CNTNAP5: variants seen among roughly 807,000 people sequenced by gnomAD.
The protein encoded by CNTNAP5 is contactin associated protein family member 5.
A neutral mutation model predicts 150.2 loss-of-function variants in CNTNAP5; 72 were observed. The observed-to-expected ratio is 0.48, with a 90% CI of 0.40 to 0.58. The LOEUF is 0.58. Ranked by LOEUF, CNTNAP5 falls within the 20% of genes least tolerant of loss-of-function variation. CNTNAP5 has a pLI of 0.00. For synonymous variants in CNTNAP5, 672 were observed against 619.8 expected (o/e 1.08, Z -1.25); for missense variants, 1,636 against 1,626.2 (o/e 1.01, Z -0.10).
chr2:124,434,360 A>T (rs1692469789), intron 4 of CNTNAP5, 124 bp from the exon 5 acceptor site: 1 of 739,418 alleles, frequency 1.4e-6, no homozygotes, highest in Admixed American at 2.2e-5. Context: ...TTTCCTGTTG[A>T]GACTAGACCT....
intron 3 of CNTNAP5, among the ~76,000 whole-genome samples, chr2:124,334,438 CAAGA>C (rs1456467784): frequency 1.3e-5 from 2 of 151,852 alleles, no homozygotes; most frequent in Non-Finnish European, 2.9e-5. Context: ...ATCATGTCCA[CAAGA>C]AAGAAAGACA....
At chr2:124,322,358 C>G in intron 3 of CNTNAP5, among the ~76,000 whole-genome samples, 1 of 152,096 alleles carries the variant, frequency 6.6e-6, no homozygotes, top group Non-Finnish European at 1.5e-5. Context: ...TCATTCCCAG[C>G]TCTGCCAGAA....
At chr2:124,446,972 C>T in intron 6 of CNTNAP5, 35 bp downstream of exon 6, 1 of 1,588,820 alleles carries the variant, frequency 6.3e-7, no homozygotes, top group South Asian at 1.1e-5. Flanking sequence ...CTCCTCGGCC[C>T]CTTGCTTCAA....
chr2:124,538,551 A>C (rs1695298588), intron 10 of CNTNAP5, among the ~76,000 whole-genome samples: 1 of 151,114 alleles, frequency 6.6e-6, no homozygotes, highest in Non-Finnish European at 1.5e-5. Context: ...AAAGAAAGAG[A>C]GAAAGAAAGA....
At chr2:124,671,532 T>C (rs1221852438) in intron 13 of CNTNAP5, among the ~76,000 whole-genome samples, 2 of 152,206 alleles carry the variant, frequency 1.3e-5, no homozygotes, top group Admixed American at 6.5e-5. Flanking sequence ...AAGTGATCTT[T>C]CAAGACTTTA....
At chr2:124,160,184 G>C (rs958582943) in intron 1 of CNTNAP5, among the ~76,000 whole-genome samples, 1 of 152,130 alleles carries the variant, frequency 6.6e-6, no homozygotes, top group African/African-American at 2.4e-5. Context: ...TGAGAACCAG[G>C]AACAATGATA....
intron 19 of CNTNAP5, among the ~76,000 whole-genome samples, chr2:124,864,318 G>A (rs569889402): frequency 1.3e-3 from 192 of 152,196 alleles, no homozygotes; most frequent in Non-Finnish European, 2.2e-3. Flanking sequence ...AGGGTAGTTA[G>A]CACAACCATT....
In CNTNAP5 at chr2:124,550,364, AT is replaced by A. The variant is rs777012765; in HGVS notation, c.1650-12852del. Among the ~76,000 whole-genome samples, 5 of 152,278 alleles carry A rather than the reference AT, an allele frequency of 3.3e-5. No homozygotes were observed. In the East Asian group the frequency reaches 7.7e-4, roughly 24 times the overall value. On this transcript the variant is annotated intron_variant, in intron 10 of 23. Transcript: ENST00000682447. ...GTTTTCTCATTCCCATAAGCTTATT[AT>A]AAATGCGGAACCTCTGTATCAGGGT... is the stretch of plus-strand genomic sequence containing the variant.
chr2:124,654,587 G>C (rs1181738471), intron 13 of CNTNAP5, among the ~76,000 whole-genome samples: 1 of 151,994 alleles, frequency 6.6e-6, no homozygotes, highest in African/African-American at 2.4e-5. Context: ...CGATTGCTTT[G>C]GCTACTTCAC....
chr2:124,406,044 G>A, intron 3 of CNTNAP5, among the ~76,000 whole-genome samples: 1 of 152,122 alleles, frequency 6.6e-6, no homozygotes, highest in Admixed American at 6.5e-5. Context: ...TTATCACCAT[G>A]CAATTCAAAC....
intron 3 of CNTNAP5, among the ~76,000 whole-genome samples, chr2:124,353,842 A>C (rs567518918): frequency 6.6e-6 from 1 of 152,168 alleles, no homozygotes; most frequent in Non-Finnish European, 1.5e-5. Flanking sequence ...CTCCATTTTA[A>C]TTGTGTCACA....
intron 10 of CNTNAP5, among the ~76,000 whole-genome samples, chr2:124,530,652 G>A (rs756052135): frequency 6.6e-6 from 1 of 152,180 alleles, no homozygotes; most frequent in South Asian, 2.1e-4. Context: ...AAGCAGGAAG[G>A]TGTTGGTACT....
intron 3 of CNTNAP5, among the ~76,000 whole-genome samples, chr2:124,324,272 C>G (rs922221033): frequency 9.2e-5 from 14 of 152,108 alleles, no homozygotes; most frequent in Admixed American, 4.6e-4. Flanking sequence ...TTCTAGGCAG[C>G]CTGGGAGTCC....
At chr2:124,127,497 T>C (rs923185426) in intron 1 of CNTNAP5, among the ~76,000 whole-genome samples, 2 of 152,290 alleles carry the variant, frequency 1.3e-5, no homozygotes, top group African/African-American at 2.4e-5. Flanking sequence ...AGGTAATTTA[T>C]AGATTTAATG....
chr2:124,221,078 T>G (rs1253201567), intron 1 of CNTNAP5, among the ~76,000 whole-genome samples: 2 of 152,094 alleles, frequency 1.3e-5, no homozygotes, highest in Non-Finnish European at 2.9e-5. Flanking sequence ...TTAGGATAGG[T>G]TGGAAGGATA....
intron 13 of CNTNAP5, among the ~76,000 whole-genome samples, chr2:124,736,101 G>A (rs1680377013): frequency 6.6e-6 from 1 of 152,080 alleles, no homozygotes; most frequent in East Asian, 1.9e-4. Flanking sequence ...ATGATGACGG[G>A]TGCCTGTAAT....
chr2:124,843,337 C>T (rs1425819825), intron 19 of CNTNAP5, among the ~76,000 whole-genome samples: 1 of 151,668 alleles, frequency 6.6e-6, no homozygotes, highest in African/African-American at 2.4e-5. Context: ...AATTTTGCTA[C>T]TATAAACATG....
At chr2:124,550,518 G>GGATA (rs1695603669) in intron 10 of CNTNAP5, among the ~76,000 whole-genome samples, 1 of 152,144 alleles carries the variant, frequency 6.6e-6, no homozygotes, top group Non-Finnish European at 1.5e-5. Flanking sequence ...TCTACTGTCT[G>GGATA]TGCGTTTCCT....
intron 3 of CNTNAP5, among the ~76,000 whole-genome samples, chr2:124,348,222 A>C (rs938320363): frequency 6.6e-6 from 1 of 151,898 alleles, no homozygotes; most frequent in African/African-American, 2.4e-5. Flanking sequence ...TATTTTCTTA[A>C]TTTTTTCAGG....
Sources: allele counts gnomAD v4.1 joint callset (sites outside exome capture counted in the v4.1 genomes callset), GRCh38; gene constraint gnomAD v4.1.1; transcripts MANE v1.5; gene names NCBI Gene and HGNC (gene_info 2026-07-23, HGNC 2026-07-21).